Variants in NBPF9 observed in about 807,000 individuals in gnomAD.
The protein encoded by NBPF9 is NBPF member 9.
In NBPF9, 91 loss-of-function variants were observed where a neutral mutation model predicts 97.8. The observed-to-expected ratio is 0.93, with a 90% CI of 0.79 to 1.11. The LOEUF (loss-of-function observed/expected upper bound fraction) is 1.11. NBPF9 is among the 50% of genes least tolerant of loss of function. NBPF9 has a pLI of 0.00. For missense variants in NBPF9, 992 were observed against 939.5 expected, an observed-to-expected ratio of 1.06 and a Z score of -0.73; for synonymous variants, 334 against 359.5, an observed-to-expected ratio of 0.93 and a Z score of 0.80.
intron 4 of NBPF9, among the ~76,000 whole-genome samples, chr1:149,093,962 CTG>C (rs2081580059): frequency 7.3e-6 from 1 of 136,670 alleles, no homozygotes; most frequent in Non-Finnish European, 1.6e-5. Flanking sequence ...TGAAGAAACC[CTG>C]TCTCTACCAA....
At position 149,070,993 on chromosome 1, in the gene NBPF9, G is replaced by C. The variant is rs587624244; in HGVS notation, c.1526C>G (p.Ser509Ter). 6.2e-7 allele frequency: 1 copy of C among 1,612,396 alleles called. No homozygotes were observed. Among genetic ancestry groups the C allele is most frequent in the Admixed American group, 1.7e-5 (1 of 60,002 alleles). ...ATGAGAGGATGAGCCAATGAGAGTT[G>C]AGTCGACTTTGTCTTCCTCAAATGT... The change falls in exon 16 of 30, where the codon TCA becomes TGA. Residue 509 changes from serine (S) to a stop codon, truncating the protein, a stop_gained. Transcript: ENST00000584027. LOFTEE classifies it high-confidence loss of function.
intron 7 of NBPF9, among the ~76,000 whole-genome samples, chr1:149,081,241 T>G (rs879205323): frequency 8.1e-6 from 1 of 123,984 alleles, no homozygotes; most frequent in South Asian, 2.9e-4. Context: ...TGCCTCAGCC[T>G]CCCGATTAGT....
rs587703584 is a variant in NBPF9 at position 149,055,980 on chromosome 1, A to G, written c.3093-81T>C. ...CCCCACTAGATTTCAGAAGTAACAT[A>G]AGGAAGTGGTTAGAAAAGAAAAAGG... On this transcript the variant is annotated intron_variant, in intron 29 of 29. Coordinates refer to ENST00000584027, the Ensembl canonical transcript of NBPF9. The G allele has an allele frequency of 1.6e-4, 255 of 1,611,312 alleles. 3 individuals carry two copies. In the Admixed American group the frequency reaches 4.0e-3, roughly 26 times the overall value.
rs1174995783 is a variant in NBPF9 at position 149,059,674 on chromosome 1, A to G, written c.2585+26T>C. The G allele has an allele frequency of 1.4e-5, 8 of 560,446 alleles. 2 individuals are homozygous for G. The Admixed American group carries it at 1.9e-4, about 13-fold the overall frequency. 34.7% of individuals were successfully genotyped at this position (560,446 alleles called of 1,614,324 possible). On this transcript the variant is annotated intron_variant, in intron 25 of 29. Coordinates refer to ENST00000584027, the Ensembl canonical transcript of NBPF9. ...TGCCTCCAGGTGTTAACACAGAACTAAGGATCCAGAATTGCTGAAAGTCAC... is the reference window on the plus strand; with the variant it reads ...TGCCTCCAGGTGTTAACACAGAACTGAGGATCCAGAATTGCTGAAAGTCAC...
At chr1:149,073,687 T>A in intron 13 of NBPF9, 81 bp downstream of exon 13, 1 of 1,086,114 alleles carries the variant, frequency 9.2e-7, no homozygotes, top group Non-Finnish European at 1.4e-6. Flanking sequence ...CCAGCTTAGC[T>A]CTTACGTCTC....
Position 149,058,339 on chromosome 1 carries a change from G to C in NBPF9, c.2759-124C>G. ...AGCATGAGAACAGGACAATGTGACA[G>C]ATATACTTCAGGAGGCCTGAAAGCT... On this transcript the variant is annotated intron_variant, in intron 26 of 29. Transcript: ENST00000584027. 9 of 485,874 alleles carry C rather than the reference G, an allele frequency of 1.9e-5. 1 individual carries two copies. Among genetic ancestry groups the C allele is most frequent in the South Asian group, 1.5e-4 (8 of 52,918 alleles). 30.1% of individuals were successfully genotyped at this position (485,874 alleles called of 1,614,324 possible).
At chr1:149,064,742 T>A (rs2078916677) in intron 18 of NBPF9, 1 of 618,582 alleles carries the variant, frequency 1.6e-6, no homozygotes, top group Non-Finnish European at 2.8e-6. Flanking sequence ...TGTACACAAA[T>A]GCGCGATTTT....
At chr1:149,055,359 A>C (rs2078134501) in exon 30 of NBPF9, 1 of 595,388 alleles carries the variant, frequency 1.7e-6, no homozygotes, top group South Asian at 2.1e-5. Flanking sequence ...CTGCAAAATG[A>C]AATCCCTGAG....
rs636029 is a variant in NBPF9 at position 149,071,506 on chromosome 1, C to T, written c.1379+98G>A. On this transcript the variant is annotated intron_variant, in intron 15 of 29. Transcript: ENST00000584027. Reference sequence around the variant, plus strand: ...TTCACATACTGTGGCCAAGCGAATGCGGGTTTTTGGCCCATCATAGATGCC... The same window carrying T: ...TTCACATACTGTGGCCAAGCGAATGTGGGTTTTTGGCCCATCATAGATGCC... 778 of 1,153,302 alleles carry T rather than the reference C, an allele frequency of 6.7e-4. 32 individuals are homozygous for T. The South Asian group carries it at 6.8e-3, about 10-fold the overall frequency. 71.4% of individuals were successfully genotyped at this position (1,153,302 alleles called of 1,614,324 possible). A position where few individuals can be genotyped will look rare whatever the true frequency, so the allele number is the denominator to read the frequency against.
chr1:149,055,548 C>T lies in NBPF9; in HGVS notation c.*108G>A, dbSNP rs1249746134. The stretch of plus-strand genomic sequence containing the variant: ...ATAGGAATAGAGCCATGCCCACTGA[C>T]CCATCCTATGTCTGGGCTTCCAAAT... On this transcript the variant is annotated 3_prime_UTR_variant, in exon 30 of 30. Transcript: ENST00000584027. The T allele has an allele frequency of 4.5e-6, 7 of 1,568,158 alleles. No homozygotes were observed. In the African/African-American group the frequency reaches 9.5e-5, roughly 21 times the overall value.
Position 149,061,172 on chromosome 1 carries a change from C to G in NBPF9, c.2303+160G>C, listed in dbSNP as rs1477195428. ...GATAAGGGGAGGAAGAAATGGAAAC[C>G]TAAATATCTACTGCAATGAAAACCA... On this transcript the variant is annotated intron_variant, in intron 23 of 29. Coordinates refer to ENST00000584027, the Ensembl canonical transcript of NBPF9. 10 of 343,710 alleles carry G rather than the reference C, an allele frequency of 2.9e-5. 1 individual carries two copies. The Admixed American group carries it at 2.9e-4, about 10-fold the overall frequency. 21.3% of individuals were successfully genotyped at this position (343,710 alleles called of 1,614,324 possible).
exon 30 of NBPF9, chr1:149,055,805 G>A (rs1255030013): frequency 1.9e-6 from 3 of 1,610,140 alleles, no homozygotes; most frequent in African/African-American, 1.3e-5. Flanking sequence ...AATGAGTCAG[G>A]TAGTTCAAAG....
intron 3 of NBPF9, among the ~76,000 whole-genome samples, chr1:149,100,069 A>G (rs1412066220): frequency 1.4e-5 from 2 of 143,874 alleles, no homozygotes; most frequent in Non-Finnish European, 3.0e-5. Context: ...GGCCCTTTAA[A>G]TGGCTTAACG....
At chr1:149,100,850 G>A (rs1205427035) in intron 3 of NBPF9, among the ~76,000 whole-genome samples, 32 of 151,450 alleles carry the variant, frequency 2.1e-4, no homozygotes, top group East Asian at 5.9e-4. Context: ...TGGGAGGATC[G>A]CTTGAGCCAG....
intron 3 of NBPF9, among the ~76,000 whole-genome samples, chr1:149,100,972 G>A (rs1331633611): frequency 2.6e-5 from 4 of 151,514 alleles, no homozygotes; most frequent in Non-Finnish European, 5.9e-5. Context: ...AAATAAAATT[G>A]CTATAAGGTT....
intron 5 of NBPF9, among the ~76,000 whole-genome samples, chr1:149,088,266 T>C (rs1575868774): frequency 6.6e-6 from 1 of 152,376 alleles, no homozygotes; most frequent in Non-Finnish European, 1.5e-5. Flanking sequence ...GCTTACATTC[T>C]GCAACACTAC....
In NBPF9 at chr1:149,062,110, A is replaced by T. The variant is rs782796217; in HGVS notation, c.2234T>A (p.Leu745Ter). Residue 745 changes from leucine (L) to a stop codon, truncating the protein, a stop_gained, in exon 22 of 30, where the codon TTG (leucine) becomes TAG (stop). Transcript: ENST00000584027. LOFTEE classifies it high-confidence loss of function. ...GTACTCACTGTCCAAGTCAAGAGCCAAGCCAAGGTACTGTTCCTCCAATGA... is the reference window on the plus strand; with the variant it reads ...GTACTCACTGTCCAAGTCAAGAGCCTAGCCAAGGTACTGTTCCTCCAATGA... The T allele has an allele frequency of 6.0e-5, 71 of 1,190,382 alleles. No homozygotes were observed. Among genetic ancestry groups the T allele is most frequent in the Non-Finnish European group, 7.1e-5 (57 of 808,034 alleles). 73.7% of individuals were successfully genotyped at this position (1,190,382 alleles called of 1,614,324 possible).
exon 9 of NBPF9, chr1:149,079,163 A>G: frequency 7.8e-7 from 1 of 1,286,456 alleles, no homozygotes; most frequent in Non-Finnish European, 1.1e-6. Flanking sequence ...CCTTCCCGTA[A>G]CTTCTCCTTT....
chr1:149,073,760 C>A lies in NBPF9; in HGVS notation c.1091+8G>T, dbSNP rs1304796832. On this transcript the variant is annotated splice_region_variant and intron_variant, in intron 13 of 29. Transcript: ENST00000584027. ...GCCCCCCTGCCTGCCCCCATGGGGT[C>A]CCCTCACCTGAGCTCCTCAGCTTGC... 5.4e-5 allele frequency: 86 copies of A among 1,579,934 alleles called. 4 individuals carry two copies. The highest frequency in any genetic ancestry group is 7.3e-5 in the Non-Finnish European group (84 of 1,156,324).
Sources: gnomAD v4.1 joint callset for allele counts (sites outside exome capture counted in the v4.1 genomes callset) on GRCh38, gnomAD v4.1.1 for gene constraint, MANE v1.5 for transcripts, NCBI Gene and HGNC (gene_info 2026-07-23, HGNC 2026-07-21) for gene names.